The following KYNU variants were observed in gnomAD, a reference collection of about 807,000 sequenced individuals.
KYNU encodes L-kynurenine hydrolase.
A neutral mutation model predicts 59.2 loss-of-function variants in KYNU; 54 were observed. That is an observed-to-expected ratio of 0.91 (90% CI 0.73 to 1.14). KYNU has a LOEUF of 1.14. Ranked by LOEUF, KYNU falls within the 50% of genes most tolerant of loss-of-function variation. The probability of loss-of-function intolerance (pLI) is 0.00; values close to 1 mark genes in which losing one functional copy is unlikely to be tolerated. For missense variants in KYNU, 567 were observed against 554.4 expected (o/e 1.02, Z -0.23); for synonymous variants, 177 against 192.0 (o/e 0.92, Z 0.65).
chr2:142,989,200 C>T (rs781173296), intron 10 of KYNU: 3 of 327,908 alleles, frequency 9.1e-6, no homozygotes, highest in Admixed American at 4.7e-5. Context: ...CCAATTTAAA[C>T]TTTGAGTAAA....
At chr2:142,958,095 C>A in intron 7 of KYNU, 1 of 237,266 alleles carries the variant, frequency 4.2e-6, no homozygotes, top group Non-Finnish European at 8.3e-6. Flanking sequence ...AAAATGGAAT[C>A]GTGACTATAT....
intron 4 of KYNU, chr2:142,947,146 T>C (rs775244339): frequency 6.1e-5 from 95 of 1,551,068 alleles, no homozygotes; most frequent in Admixed American, 5.9e-5. Flanking sequence ...AACCTGGAAA[T>C]GACCTCAGTA....
chr2:142,995,657 T>C (rs1178317223), intron 10 of KYNU, among the ~76,000 whole-genome samples: 2 of 152,102 alleles, frequency 1.3e-5, no homozygotes, highest in Admixed American at 1.3e-4. Flanking sequence ...TGGGGACCAG[T>C]TGCTGGCATC....
chr2:142,955,889 T>G lies in KYNU; in HGVS notation c.436-314T>G, dbSNP rs557233748. Among the ~76,000 whole-genome samples, 15 of 152,252 alleles carry G rather than the reference T, an allele frequency of 9.9e-5. No homozygotes were observed. In the South Asian group the frequency reaches 3.1e-3, roughly 32 times the overall value. ...AAGATAATTTGTCAATTAACAGCTTTTTTTGTTGTTAATCATCAGACTTTA... is the reference window on the plus strand; with the variant it reads ...AAGATAATTTGTCAATTAACAGCTTGTTTTGTTGTTAATCATCAGACTTTA... On this transcript the variant is annotated intron_variant, in intron 5 of 13. Transcript: ENST00000264170.
chr2:143,055,405 A>C lies in KYNU; in HGVS notation c.*13233A>C, dbSNP rs1025417782. The C allele has an allele frequency of 5.3e-5, 8 of 152,258 alleles. No individual in the cohort carries two copies. The highest frequency in any genetic ancestry group is 1.9e-4 in the African/African-American group (8 of 41,526). 9.4% of individuals were successfully genotyped at this position (152,258 alleles called of 1,614,324 possible). A position where few individuals can be genotyped will look rare whatever the true frequency, so the allele number is the denominator to read the frequency against. On this transcript the variant is annotated 3_prime_UTR_variant, in exon 14 of 14. Coordinates refer to ENST00000264170, the MANE Select transcript of KYNU (RefSeq NM_003937.3). The stretch of plus-strand genomic sequence containing the variant: ...TCTCTACCTATTCTTTCATCCTTAC[A>C]TCTTTCTCTAACTATTCCTTTTCTT...
Position 143,054,619 on chromosome 2 carries a change from A to G in KYNU, c.*12447A>G, listed in dbSNP as rs955303885. On this transcript the variant is annotated 3_prime_UTR_variant, in exon 14 of 14. Coordinates refer to ENST00000264170, the MANE Select transcript of KYNU (RefSeq NM_003937.3). ...TATGAAGTAGACTGCACCACTCTGC[A>G]GTACAGTCAGGAAATAAGAAACCAA... is the stretch of plus-strand genomic sequence containing the variant. 3 of 152,234 alleles carry G rather than the reference A, an allele frequency of 2.0e-5. No individual in the cohort carries two copies. Among genetic ancestry groups the G allele is most frequent in the African/African-American group, 7.2e-5 (3 of 41,466 alleles). 9.4% of individuals were successfully genotyped at this position (152,234 alleles called of 1,614,324 possible).
chr2:142,912,414 G>A (rs574106282), intron 2 of KYNU, among the ~76,000 whole-genome samples: 11 of 118,316 alleles, frequency 9.3e-5, no homozygotes, highest in African/African-American at 1.3e-4. Context: ...AGTTTCACTC[G>A]TGTTGCCCAG....
At chr2:142,912,979 G>A (rs1682545972) in intron 2 of KYNU, among the ~76,000 whole-genome samples, 1 of 152,034 alleles carries the variant, frequency 6.6e-6, no homozygotes, top group Non-Finnish European at 1.5e-5. Context: ...CCAAAGTGCT[G>A]GGATTACAGG....
chr2:142,982,271 A>C (rs551535963), intron 8 of KYNU, among the ~76,000 whole-genome samples: 1 of 152,208 alleles, frequency 6.6e-6, no homozygotes, highest in African/African-American at 2.4e-5. Context: ...ATGTTTTGCA[A>C]AGTTCTATCA....
At chr2:142,928,714 A>G (rs1012257352) in intron 4 of KYNU, among the ~76,000 whole-genome samples, 2 of 152,230 alleles carry the variant, frequency 1.3e-5, no homozygotes, top group South Asian at 2.1e-4. Context: ...TGAGGACATA[A>G]AAGTGAATAA....
At chr2:142,985,813 A>G (rs1573871747) in intron 9 of KYNU, 135 bp from the exon 10 acceptor site, 10 of 632,892 alleles carry the variant, frequency 1.6e-5, no homozygotes, top group African/African-American at 1.8e-5. Flanking sequence ...CTGTTTTATC[A>G]TAAATACACA....
At chr2:142,963,801 G>C (rs948593550) in intron 8 of KYNU, among the ~76,000 whole-genome samples, 1 of 152,108 alleles carries the variant, frequency 6.6e-6, no homozygotes, top group African/African-American at 2.4e-5. Flanking sequence ...TTATATGAAG[G>C]TATACACAGG....
chr2:142,944,137 C>T (rs561865045), intron 4 of KYNU, among the ~76,000 whole-genome samples: 1 of 152,136 alleles, frequency 6.6e-6, no homozygotes, highest in African/African-American at 2.4e-5. Flanking sequence ...TTTTATTTTT[C>T]TTCTACAAGA....
At chr2:142,992,844 C>T (rs527842055) in intron 10 of KYNU, among the ~76,000 whole-genome samples, 7 of 152,074 alleles carry the variant, frequency 4.6e-5, no homozygotes, top group South Asian at 4.1e-4. Context: ...CTATTGCCTG[C>T]GATTTTAAAA....
chr2:142,958,668 G>T (rs1684244489), intron 7 of KYNU, among the ~76,000 whole-genome samples: 1 of 152,166 alleles, frequency 6.6e-6, no homozygotes, highest in Non-Finnish European at 1.5e-5. Context: ...GAACATAGCT[G>T]CTAATAATCA....
At chr2:142,991,945 C>T (rs1025471050) in intron 10 of KYNU, among the ~76,000 whole-genome samples, 1 of 151,998 alleles carries the variant, frequency 6.6e-6, no homozygotes, top group Admixed American at 6.6e-5. Context: ...TAATAAACTC[C>T]CTGCTTGTAA....
chr2:142,941,405 G>A (rs1683596404), intron 4 of KYNU, among the ~76,000 whole-genome samples: 1 of 152,170 alleles, frequency 6.6e-6, no homozygotes, highest in Non-Finnish European at 1.5e-5. Context: ...TTTGAATGCT[G>A]CATTAGTTAA....
intron 1 of KYNU, among the ~76,000 whole-genome samples, chr2:142,880,949 C>A (rs762632912): frequency 3.3e-5 from 5 of 152,122 alleles, no homozygotes; most frequent in Non-Finnish European, 5.9e-5. Context: ...AAATATAGTA[C>A]CTGGCAGAAT....
At chr2:143,006,803 C>T (rs544333047) in intron 10 of KYNU, among the ~76,000 whole-genome samples, 1 of 151,946 alleles carries the variant, frequency 6.6e-6, no homozygotes, top group Non-Finnish European at 1.5e-5. Context: ...CACACTGACA[C>T]CTCACACGGC....
Sources: gnomAD v4.1 joint callset for allele counts (sites outside exome capture counted in the v4.1 genomes callset) on GRCh38, gnomAD v4.1.1 for gene constraint, MANE v1.5 for transcripts, NCBI Gene and HGNC (gene_info 2026-07-23, HGNC 2026-07-21) for gene names.